TRHDE: variants seen among roughly 807,000 people sequenced by gnomAD.
The protein encoded by TRHDE is thyrotropin releasing hormone degrading enzyme, also known as thyrotropin-releasing hormone-degrading ectoenzyme.
TRHDE carries 72 observed loss-of-function variants against 125.7 expected under a neutral mutation model. The ratio of observed to expected loss-of-function variants is 0.57; its 90% CI spans 0.47 to 0.70. TRHDE has a LOEUF of 0.70. TRHDE is among the 30% of genes least tolerant of loss of function. The pLI, the probability that TRHDE is intolerant of heterozygous loss-of-function variation, is 0.00. For missense variants in TRHDE, 1,110 were observed against 1,327.1 expected (o/e 0.84, Z 2.54); for synonymous variants, 509 against 509.1 (o/e 1.00, Z 0.00).
At chr12:72,544,854 G>A (rs1435064797) in intron 7 of TRHDE, among the ~76,000 whole-genome samples, 1 of 151,420 alleles carries the variant, frequency 6.6e-6, no homozygotes, top group Non-Finnish European at 1.5e-5. Context: ...AACTTATAAA[G>A]CATCGGTGTA....
In TRHDE at chr12:72,286,880, A is replaced by T; in HGVS notation, c.1114A>T (p.Met372Leu). 6.2e-7 allele frequency: 1 copy of T among 1,613,794 alleles called. No homozygotes were observed. The highest frequency in any genetic ancestry group is 8.5e-7 in the Non-Finnish European group (1 of 1,179,836). The stretch of plus-strand genomic sequence containing the variant: ...GGATCACTTTTCACAGACCCCTCTC[A>T]TGTCCACATATTATTTAGCCTGGGC... ...VTDHFSQTPLMSTYYLAWAIC... is the reference protein window; with the variant it reads ...VTDHFSQTPLLSTYYLAWAIC... The change falls in exon 2 of 19, where the codon ATG (methionine) becomes TTG (leucine). Residue 372 changes from methionine to leucine, a missense_variant. Around this residue, in one of 5 missense-constraint regions of TRHDE, gnomAD observed 252 missense variants for 274.8 expected, o/e 0.92. Transcript: ENST00000261180.
intron 2 of TRHDE, chr12:72,137,264 C>T (rs748368012): frequency 1.3e-5 from 2 of 152,178 alleles, no homozygotes; most frequent in Non-Finnish European, 2.9e-5. Context: ...TAGATAAGAT[C>T]AGTCATAGGT....
At chr12:72,536,562 T>G (rs1174577335) in intron 6 of TRHDE, among the ~76,000 whole-genome samples, 1 of 152,092 alleles carries the variant, frequency 6.6e-6, no homozygotes, top group East Asian at 1.9e-4. Context: ...TGTTACACTG[T>G]CCTGCTCAGT....
In TRHDE at chr12:72,618,953, A is replaced by G. The variant is rs775462397; in HGVS notation, c.2384A>G (p.Asp795Gly). Reference sequence around the variant, plus strand: ...ATCAGATACCTGTCTGAGGAGAAGGATTTTCTTCCTTGGCATGCTGCCAGC... The same window carrying G: ...ATCAGATACCTGTCTGAGGAGAAGGGTTTTCTTCCTTGGCATGCTGCCAGC... Reference protein sequence around the residue: ...EIIRYLSEEKDFLPWHAASRA... With the variant: ...EIIRYLSEEKGFLPWHAASRA... Residue 795 changes from aspartate (D) to glycine (G), a missense_variant, in exon 13 of 19, where the codon GAT becomes GGT. Coordinates refer to ENST00000261180, the MANE Select transcript of TRHDE (RefSeq NM_013381.3). 1.3e-6 allele frequency: 2 copies of G among 1,599,258 alleles called. No individual in the cohort carries two copies. Among genetic ancestry groups the G allele is most frequent in the Admixed American group, 1.7e-5 (1 of 58,434 alleles).
At chr12:72,343,580 A>C (rs772329376) in intron 2 of TRHDE, among the ~76,000 whole-genome samples, 2 of 152,088 alleles carry the variant, frequency 1.3e-5, no homozygotes, top group Non-Finnish European at 2.9e-5. Context: ...GTGTCACTTT[A>C]AGTTCAATTT....
intron 6 of TRHDE, among the ~76,000 whole-genome samples, chr12:72,501,683 C>G (rs945021604): frequency 5.9e-5 from 9 of 151,916 alleles, no homozygotes; most frequent in Non-Finnish European, 1.0e-4. Flanking sequence ...CTTGTTGTCA[C>G]TATAGTGCTA....
At position 72,666,591 on chromosome 12, in the gene TRHDE, A is replaced by G. The variant is rs1480227177; in HGVS notation, c.*3396A>G. 1 of 152,054 alleles carries G rather than the reference A, an allele frequency of 6.6e-6. No homozygotes were observed. The highest frequency in any genetic ancestry group is 1.5e-5 in the Non-Finnish European group (1 of 68,000). 9.4% of individuals were successfully genotyped at this position (152,054 alleles called of 1,614,324 possible). A position where few individuals can be genotyped will look rare whatever the true frequency, so the allele number is the denominator to read the frequency against. ...TCACAATGTTTGTTGTTATTTTGGG[A>G]ACCAATATAACAACCTAAGTCTATC... On this transcript the variant is annotated 3_prime_UTR_variant, in exon 19 of 19. Coordinates refer to ENST00000261180, the MANE Select transcript of TRHDE (RefSeq NM_013381.3).
At chr12:72,454,347 T>G (rs1875734925) in intron 3 of TRHDE, among the ~76,000 whole-genome samples, 2 of 152,194 alleles carry the variant, frequency 1.3e-5, no homozygotes, top group South Asian at 2.1e-4. Flanking sequence ...ATTTATTTTG[T>G]GAAGATTGTT....
intron 15 of TRHDE, among the ~76,000 whole-genome samples, chr12:72,629,325 T>C (rs1288938651): frequency 6.6e-6 from 1 of 151,840 alleles, no homozygotes; most frequent in Non-Finnish European, 1.5e-5. Flanking sequence ...ATAAGTATGC[T>C]TTTTTGAAGG....
At chr12:72,262,647 A>G (rs926154080) in intron 2 of TRHDE, 14 of 152,144 alleles carry the variant, frequency 9.2e-5, no homozygotes, top group African/African-American at 3.4e-4. Context: ...ATAAAGACAT[A>G]TATACACCCA....
chr12:72,606,990 G>A (rs1295010507), intron 12 of TRHDE, among the ~76,000 whole-genome samples: 12 of 151,908 alleles, frequency 7.9e-5, no homozygotes, highest in Non-Finnish European at 8.8e-5. Flanking sequence ...ATTTCCAATG[G>A]TTTCATAAAT....
At chr12:72,430,444 CGT>C (rs1592438948) in intron 3 of TRHDE, among the ~76,000 whole-genome samples, 1 of 146,976 alleles carries the variant, frequency 6.8e-6, no homozygotes, top group Non-Finnish European at 1.5e-5. Context: ...TATACACACA[CGT>C]ATATATATGT....
chr12:72,508,877 G>A (rs1878465764), intron 6 of TRHDE, among the ~76,000 whole-genome samples: 1 of 152,042 alleles, frequency 6.6e-6, no homozygotes, highest in Non-Finnish European at 1.5e-5. Context: ...TTAAATGTGT[G>A]TAGCACCTCC....
chr12:72,597,741 ATATATATATATATATATG>A (rs1565804773), intron 12 of TRHDE, among the ~76,000 whole-genome samples: 342 of 22,634 alleles, frequency 0.015, 26 homozygotes, highest in South Asian at 0.04. Context: ...ATATATATAT[ATATATATATATATATATG>A]CATACACACA....
At chr12:72,151,408 C>T (rs952196975) in intron 2 of TRHDE, among the ~76,000 whole-genome samples, 1 of 152,156 alleles carries the variant, frequency 6.6e-6, no homozygotes, top group Non-Finnish European at 1.5e-5. Context: ...AATTAGATCC[C>T]ATTTGTCAAT....
At chr12:72,176,096 C>A (rs1217991060) in intron 2 of TRHDE, among the ~76,000 whole-genome samples, 1 of 152,104 alleles carries the variant, frequency 6.6e-6, no homozygotes, top group Non-Finnish European at 1.5e-5. Context: ...GTGGCTCACG[C>A]TTACAATCCC....
intron 2 of TRHDE, among the ~76,000 whole-genome samples, chr12:72,242,233 T>C (rs1303135707): frequency 6.6e-6 from 1 of 152,180 alleles, no homozygotes; most frequent in African/African-American, 2.4e-5. Context: ...TTCTTTGAAT[T>C]TGGTTATCAA....
intron 15 of TRHDE, among the ~76,000 whole-genome samples, chr12:72,648,680 C>T (rs988587338): frequency 1.2e-4 from 18 of 151,970 alleles, no homozygotes; most frequent in African/African-American, 4.3e-4. Context: ...GGCATGGCGG[C>T]TCATGCCTGT....
chr12:72,496,280 T>C (rs995660580), intron 5 of TRHDE, among the ~76,000 whole-genome samples: 1 of 152,188 alleles, frequency 6.6e-6, no homozygotes, highest in African/African-American at 2.4e-5. Context: ...AGTATTTATA[T>C]TAGTCTGTTC....
Sources: allele counts gnomAD v4.1 joint callset (sites outside exome capture counted in the v4.1 genomes callset), GRCh38; gene constraint gnomAD v4.1.1; regional missense constraint gnomAD v4.1.1; transcripts MANE v1.5; gene names NCBI Gene and HGNC (gene_info 2026-07-23, HGNC 2026-07-21).